Variants in LUZP2 observed in about 807,000 individuals in gnomAD.
LUZP2 encodes the protein leucine zipper protein 2.
In LUZP2, 52 loss-of-function variants were observed where a neutral mutation model predicts 51.6. The observed-to-expected ratio is 1.01, with a 90% CI of 0.81 to 1.27. The LOEUF (loss-of-function observed/expected upper bound fraction) is 1.27, where lower values mean the gene tolerates loss of function less well. Ranked by LOEUF, LUZP2 falls within the 50% of genes most tolerant of loss-of-function variation. The pLI is 0.00. For missense variants in LUZP2, 436 were observed against 395.4 expected, an observed-to-expected ratio of 1.10 and a Z score of -0.87; for synonymous variants, 154 against 137.3, an observed-to-expected ratio of 1.12 and a Z score of -0.85.
chr11:24,669,576 T>G (rs1277599856), intron 1 of LUZP2, among the ~76,000 whole-genome samples: 2 of 151,996 alleles, frequency 1.3e-5, no homozygotes, highest in Non-Finnish European at 2.9e-5. Context: ...GCTGTGAAAA[T>G]GGTCACTCTC....
At chr11:25,030,888 A>G (rs1181124533) in intron 9 of LUZP2, among the ~76,000 whole-genome samples, 1 of 10,992 alleles carries the variant, frequency 9.1e-5, no homozygotes, top group Non-Finnish European at 2.0e-4. Context: ...GTTACTATAT[A>G]TATTATATAT....
chr11:24,886,200 T>C (rs1852662966), intron 5 of LUZP2, among the ~76,000 whole-genome samples: 1 of 152,210 alleles, frequency 6.6e-6, no homozygotes, highest in Admixed American at 6.5e-5. Context: ...AAATACTTTT[T>C]AGTAAAAATA....
In LUZP2 at chr11:24,731,070, G is replaced by T. The variant is rs184407451; in HGVS notation, c.181-1048G>T. ...ATATAAATAAGATTGTTTATTGATT[G>T]CTTCCCAATGATAACCTCAGCCAGT... On this transcript the variant is annotated intron_variant, in intron 2 of 11. Coordinates refer to ENST00000336930, the MANE Select transcript of LUZP2 (RefSeq NM_001009909.4). Among the ~76,000 whole-genome samples, 419 of 151,688 alleles carry T rather than the reference G, an allele frequency of 2.8e-3. 4 individuals carry two copies. Among genetic ancestry groups the T allele is most frequent in the Middle Eastern group, 0.02 (6 of 294 alleles).
At chr11:24,802,790 A>G (rs1315951184) in intron 5 of LUZP2, among the ~76,000 whole-genome samples, 1 of 152,048 alleles carries the variant, frequency 6.6e-6, no homozygotes, top group Non-Finnish European at 1.5e-5. Context: ...AATACCCAGT[A>G]TGATAGTTTT....
chr11:24,629,360 A>T (rs1209601941), intron 1 of LUZP2, among the ~76,000 whole-genome samples: 4 of 151,616 alleles, frequency 2.6e-5, no homozygotes, highest in Non-Finnish European at 5.9e-5. Flanking sequence ...GAATTGTTTC[A>T]CTTATAATTC....
chr11:24,998,791 A>T (rs1272042350), intron 9 of LUZP2, among the ~76,000 whole-genome samples: 2 of 152,118 alleles, frequency 1.3e-5, no homozygotes, highest in African/African-American at 4.8e-5. Flanking sequence ...TAAAATCTTG[A>T]TGATAAAAGA....
chr11:24,620,066 C>A (rs560292713), intron 1 of LUZP2, among the ~76,000 whole-genome samples: 1 of 152,118 alleles, frequency 6.6e-6, no homozygotes, highest in South Asian at 2.1e-4. Context: ...TAATGCCAGA[C>A]GTACTTTGTG....
At chr11:24,776,290 A>T (rs1235275093) in intron 5 of LUZP2, among the ~76,000 whole-genome samples, 4 of 152,198 alleles carry the variant, frequency 2.6e-5, no homozygotes, top group Non-Finnish European at 5.9e-5. Flanking sequence ...AACCTTTTCA[A>T]ATTGGACTAA....
In LUZP2 at chr11:24,933,109, G is replaced by A. The variant is rs549211278; in HGVS notation, c.522+18571G>A. Reference sequence around the variant, plus strand: ...CGTTCAGCTTCCCCAGTGAGGATGTGTGTTCAGGGGTGCACAATCCTCCTT... The same window carrying A: ...CGTTCAGCTTCCCCAGTGAGGATGTATGTTCAGGGGTGCACAATCCTCCTT... On this transcript the variant is annotated intron_variant, in intron 7 of 11. Transcript: ENST00000336930. Among the ~76,000 whole-genome samples the A allele has an allele frequency of 3.8e-3, 574 of 152,314 alleles. 2 individuals are homozygous for A. The highest frequency in any genetic ancestry group is 0.013 in the African/African-American group (534 of 41,574).
intron 11 of LUZP2, 76 bp from the exon 12 acceptor site, chr11:25,078,478 T>C: frequency 8.8e-7 from 1 of 1,130,318 alleles, no homozygotes; most frequent in Non-Finnish European, 1.3e-6. Context: ...ATTCTTATTC[T>C]TTTAGACTTT....
intron 1 of LUZP2, among the ~76,000 whole-genome samples, chr11:24,575,692 T>C (rs1038111365): frequency 2.6e-5 from 4 of 152,156 alleles, no homozygotes; most frequent in Non-Finnish European, 2.9e-5. Context: ...AATGAGACAC[T>C]GAGATAAAAA....
At chr11:25,014,436 A>G (rs1361989138) in intron 9 of LUZP2, among the ~76,000 whole-genome samples, 4 of 151,946 alleles carry the variant, frequency 2.6e-5, no homozygotes, top group Admixed American at 6.6e-5. Flanking sequence ...TTTAATGATC[A>G]CCCTTCTAAA....
intron 5 of LUZP2, among the ~76,000 whole-genome samples, chr11:24,876,728 G>A (rs903898055): frequency 7.2e-5 from 11 of 152,256 alleles, no homozygotes; most frequent in African/African-American, 2.2e-4. Context: ...TCCTACCCAT[G>A]AGCCTGGAAT....
intron 1 of LUZP2, among the ~76,000 whole-genome samples, chr11:24,680,613 T>A (rs1179535625): frequency 6.6e-6 from 1 of 152,202 alleles, no homozygotes; most frequent in Non-Finnish European, 1.5e-5. Context: ...ATTTCTTCAT[T>A]GTGATTGGAG....
At chr11:24,759,888 C>A (rs1294058356) in intron 4 of LUZP2, among the ~76,000 whole-genome samples, 1 of 152,122 alleles carries the variant, frequency 6.6e-6, no homozygotes, top group Non-Finnish European at 1.5e-5. Context: ...AAGGACATGT[C>A]AGTGACAAAG....
intron 5 of LUZP2, among the ~76,000 whole-genome samples, chr11:24,788,205 T>C (rs74381000): frequency 4.3e-4 from 39 of 91,476 alleles, no homozygotes; most frequent in African/African-American, 8.2e-4. Flanking sequence ...TTTTTTTTTT[T>C]CTGAGACTGA....
chr11:24,577,308 C>A (rs546090953), intron 1 of LUZP2, among the ~76,000 whole-genome samples: 1 of 152,128 alleles, frequency 6.6e-6, no homozygotes, highest in South Asian at 2.1e-4. Context: ...TATTTAAAGG[C>A]AAACATTATT....
intron 1 of LUZP2, among the ~76,000 whole-genome samples, chr11:24,586,159 A>G (rs1449435076): frequency 6.6e-6 from 1 of 152,128 alleles, no homozygotes; most frequent in Non-Finnish European, 1.5e-5. Context: ...AGTTCTCTGT[A>G]CTTTAAATAG....
chr11:24,573,699 T>C (rs1157107487), intron 1 of LUZP2, among the ~76,000 whole-genome samples: 17 of 151,968 alleles, frequency 1.1e-4, no homozygotes. Flanking sequence ...AAAAGACACA[T>C]GGTATAAACC....
Sources: gnomAD v4.1 joint callset for allele counts (sites outside exome capture counted in the v4.1 genomes callset) on GRCh38, gnomAD v4.1.1 for gene constraint, MANE v1.5 for transcripts, NCBI Gene and HGNC (gene_info 2026-07-23, HGNC 2026-07-21) for gene names.